The following SLC5A12 variants were observed in gnomAD, a reference collection of about 807,000 sequenced individuals.
The protein encoded by SLC5A12 is sodium-coupled monocarboxylate transporter 2.
Under a neutral mutation model 72.7 loss-of-function variants are expected in SLC5A12, and 46 were observed. That is an observed-to-expected ratio of 0.63 (90% CI 0.50 to 0.81). The LOEUF (loss-of-function observed/expected upper bound fraction) is 0.81. Ranked by LOEUF, SLC5A12 falls within the 30% of genes least tolerant of loss-of-function variation. The pLI, the probability that SLC5A12 is intolerant of heterozygous loss-of-function variation, is 0.00. For missense variants in SLC5A12, 683 were observed against 740.7 expected (o/e 0.92, Z 0.90); for synonymous variants, 275 against 264.4 (o/e 1.04, Z -0.39).
chr11:26,691,056 C>G (rs1482445964), intron 9 of SLC5A12, among the ~76,000 whole-genome samples: 2 of 151,888 alleles, frequency 1.3e-5, no homozygotes, highest in Admixed American at 6.6e-5. Context: ...CTACAATAGA[C>G]AGAGGACTTA....
chr11:26,717,039 T>C (rs180758293), intron 1 of SLC5A12, among the ~76,000 whole-genome samples: 1 of 152,266 alleles, frequency 6.6e-6, no homozygotes, highest in African/African-American at 2.4e-5. Flanking sequence ...CAACAAATAT[T>C]ATATAGCACC....
At position 26,670,340 on chromosome 11, in the gene SLC5A12, T is replaced by C. The variant is rs544172003; in HGVS notation, c.*762A>G. 2 of 152,260 alleles carry C rather than the reference T, an allele frequency of 1.3e-5. No homozygotes were observed. The highest frequency in any genetic ancestry group is 1.9e-4 in the East Asian group (1 of 5,164). The allele number at this position is 152,260 out of a possible 1,614,324, so 9.4% of individuals were successfully genotyped here. ...CTGGAAAAAGGCTCTAGACTTCTTA[T>C]TGAGCTCTGAGGCAATTTTTCATTG... is the stretch of plus-strand genomic sequence containing the variant. On this transcript the variant is annotated 3_prime_UTR_variant, in exon 15 of 15. Transcript: ENST00000396005.
upstream of SLC5A12, among the ~76,000 whole-genome samples, chr11:26,722,815 C>T (rs1855506065): frequency 6.6e-6 from 1 of 151,114 alleles, no homozygotes; most frequent in Non-Finnish European, 1.5e-5. Context: ...CATGCTTCTC[C>T]TCCTTCTTCA....
chr11:26,716,317 G>A (rs1217451279), intron 1 of SLC5A12: 3 of 152,132 alleles, frequency 2.0e-5, no homozygotes, highest in Admixed American at 1.3e-4. Flanking sequence ...GAGATTTGCT[G>A]GCATCTCACT....
At chr11:26,696,463 G>T (rs970398360) in intron 8 of SLC5A12, among the ~76,000 whole-genome samples, 5 of 152,162 alleles carry the variant, frequency 3.3e-5, no homozygotes, top group African/African-American at 4.8e-5. Context: ...GCAAGGCTGT[G>T]CTCTGAGAAA....
intron 13 of SLC5A12, among the ~76,000 whole-genome samples, 192 bp from the exon 14 acceptor site, chr11:26,673,721 G>A (rs998507325): frequency 2.0e-5 from 3 of 152,102 alleles, no homozygotes; most frequent in East Asian, 1.9e-4. Flanking sequence ...TCAACAAATT[G>A]TCAGGTCAGG....
At chr11:26,713,687 C>T (rs748964329) in intron 1 of SLC5A12, among the ~76,000 whole-genome samples, 2 of 152,102 alleles carry the variant, frequency 1.3e-5, no homozygotes, top group Non-Finnish European at 2.9e-5. Context: ...ATTTGATTAT[C>T]TCTCTGTATT....
chr11:26,709,366 A>G lies in SLC5A12; in HGVS notation c.471T>C (p.Asp157=). ...CTGTTGCAAACACAGAGCCCCAGAG[A>G]TCAAACCCAGTCACTAGGAAAGAAG... is the stretch of plus-strand genomic sequence containing the variant. ...ALALNQVTGF[D]LWGSVFATGI... Residue 157 remains aspartate (D), a synonymous_variant, in exon 4 of 15, where the codon GAT becomes GAC. Transcript: ENST00000396005. 1 of 1,610,934 alleles carries G rather than the reference A, an allele frequency of 6.2e-7. No homozygotes were observed. Among genetic ancestry groups the G allele is most frequent in the Non-Finnish European group, 8.5e-7 (1 of 1,178,364 alleles).
At chr11:26,689,826 C>T (rs1026791519) in intron 9 of SLC5A12, among the ~76,000 whole-genome samples, 26 of 151,950 alleles carry the variant, frequency 1.7e-4, no homozygotes, top group African/African-American at 6.0e-4. Context: ...TGGATGAATA[C>T]ATGAAAAAGC....
In SLC5A12 at chr11:26,667,381, T is replaced by C. The variant is rs1854020278; in HGVS notation, c.*3721A>G. ...TAACAGCACAAAAATATTTCAGTAA[T>C]ATTCTCTTTGAAATACTGTTTGAAA... On this transcript the variant is annotated 3_prime_UTR_variant, in exon 15 of 15. Coordinates refer to ENST00000396005, the MANE Select transcript of SLC5A12 (RefSeq NM_178498.4). The C allele has an allele frequency of 6.6e-6, 1 of 152,020 alleles. No homozygotes were observed. The highest frequency in any genetic ancestry group is 6.6e-5 in the Admixed American group (1 of 15,228). 9.4% of individuals were successfully genotyped at this position (152,020 alleles called of 1,614,324 possible).
At chr11:26,693,787 T>C (rs956866803) in intron 8 of SLC5A12, among the ~76,000 whole-genome samples, 5 of 152,166 alleles carry the variant, frequency 3.3e-5, no homozygotes, top group South Asian at 2.1e-4. Context: ...CTAAGTGATA[T>C]ATATATATAG....
intron 13 of SLC5A12, among the ~76,000 whole-genome samples, chr11:26,676,950 A>G (rs1420953697): frequency 6.6e-6 from 1 of 152,052 alleles, no homozygotes; most frequent in African/African-American, 2.4e-5. Context: ...ATATGACACA[A>G]GGAGAACAGG....
intron 6 of SLC5A12, among the ~76,000 whole-genome samples, chr11:26,698,892 A>C (rs1346561613): frequency 2.0e-5 from 3 of 152,152 alleles, no homozygotes; most frequent in Non-Finnish European, 4.4e-5. Context: ...CCCCCTACTC[A>C]ATTCATAAAA....
intron 6 of SLC5A12, among the ~76,000 whole-genome samples, chr11:26,702,733 T>C (rs1372727690): frequency 6.6e-6 from 1 of 152,138 alleles, no homozygotes; most frequent in Non-Finnish European, 1.5e-5. Flanking sequence ...TACATTACCC[T>C]CTGTTTTCTT....
intron 1 of SLC5A12, among the ~76,000 whole-genome samples, chr11:26,719,667 T>C (rs117068040): frequency 0.011 from 1,622 of 152,320 alleles, 20 homozygotes; most frequent in Admixed American, 0.017. Context: ...TGAGATGCAC[T>C]TCCCTTGTCT....
intron 4 of SLC5A12, 95 bp downstream of exon 4, chr11:26,709,217 G>T: frequency 1.2e-6 from 1 of 847,104 alleles, no homozygotes; most frequent in East Asian, 2.6e-5. Context: ...TTGGAATAAC[G>T]AATTCTGCTA....
chr11:26,683,016 A>T (rs957552518), intron 11 of SLC5A12, among the ~76,000 whole-genome samples: 3 of 152,182 alleles, frequency 2.0e-5, no homozygotes, highest in African/African-American at 7.2e-5. Flanking sequence ...GGAATATCCT[A>T]TAGTATATAC....
chr11:26,717,933 A>C (rs1365783323), intron 1 of SLC5A12, among the ~76,000 whole-genome samples: 1 of 152,166 alleles, frequency 6.6e-6, no homozygotes, highest in African/African-American at 2.4e-5. Flanking sequence ...GCATTCCAAG[A>C]GGACAAAGGC....
chr11:26,693,283 A>G (rs1854728379), intron 8 of SLC5A12, among the ~76,000 whole-genome samples: 1 of 152,206 alleles, frequency 6.6e-6, no homozygotes, highest in Admixed American at 6.5e-5. Flanking sequence ...GGATGAAGGA[A>G]AAATTACGTA....
Sources: allele counts gnomAD v4.1 joint callset (sites outside exome capture counted in the v4.1 genomes callset), GRCh38; gene constraint gnomAD v4.1.1; transcripts MANE v1.5; gene names NCBI Gene and HGNC (gene_info 2026-07-23, HGNC 2026-07-21).